The following ANKRD24 variants were observed in gnomAD, a reference collection of about 807,000 sequenced individuals.
ANKRD24 encodes the protein ankyrin repeat domain-containing protein 24.
ANKRD24 carries 109 observed loss-of-function variants against 127.8 expected under a neutral mutation model. The ratio of observed to expected loss-of-function variants is 0.85; its 90% CI spans 0.73 to 1.00. The LOEUF is 1.00. ANKRD24 is among the 50% of genes least tolerant of loss of function. The pLI, the probability that ANKRD24 is intolerant of heterozygous loss-of-function variation, is 0.00. For missense variants in ANKRD24, 1,648 were observed against 1,570.2 expected, an observed-to-expected ratio of 1.05 and a Z score of -0.84; for synonymous variants, 743 against 671.1, an observed-to-expected ratio of 1.11 and a Z score of -1.66.
intron 2 of ANKRD24, among the ~76,000 whole-genome samples, chr19:4,192,458 G>A (rs1274379571): frequency 3.4e-5 from 5 of 148,414 alleles, no homozygotes; most frequent in South Asian, 2.2e-4. Flanking sequence ...CGATCCTCCC[G>A]CCTTAGCCTC....
chr19:4,183,849 G>A (rs1390287941), intron 1 of ANKRD24, among the ~76,000 whole-genome samples: 2 of 152,176 alleles, frequency 1.3e-5, no homozygotes, highest in African/African-American at 4.8e-5. Flanking sequence ...GGAGATTGCG[G>A]TGAGCCGGAG....
chr19:4,214,131 G>A (rs560695299), intron 15 of ANKRD24, among the ~76,000 whole-genome samples: 2 of 151,876 alleles, frequency 1.3e-5, no homozygotes, highest in Admixed American at 6.6e-5. Flanking sequence ...GTCACACACA[G>A]ACAACATGCC....
Position 4,199,904 on chromosome 19 carries a change from G to T in ANKRD24, c.153G>T (p.Arg51Ser). Residue 51 changes from arginine to serine, a missense_variant, in exon 4 of 22, where the codon AGG becomes AGT. By Grantham distance (110) the Arg-to-Ser change is moderately radical. Coordinates refer to ENST00000318934, the MANE Select transcript of ANKRD24 (RefSeq NM_001393985.1). This position sits in a 1 kb window ranked among gnomAD's most constrained non-coding sequence, Gnocchi z 5.2. ...QSQDWGKSDE[R>S]LLQAVENNDA... ...AAGACTGGGGCAAGAGTGACGAGAG[G>T]CTGCTACAAGCCGTGGAAAACAACG... The T allele has an allele frequency of 3.2e-6, 5 of 1,570,382 alleles. No individual in the cohort carries two copies. Among genetic ancestry groups the T allele is most frequent in the Non-Finnish European group, 4.3e-6 (5 of 1,158,966 alleles).
At position 4,208,786 on chromosome 19, in the gene ANKRD24, C is replaced by T. The variant is rs868290834; in HGVS notation, c.855C>T (p.Gly285=). The T allele has an allele frequency of 5.6e-6, 9 of 1,613,200 alleles. No homozygotes were observed. The highest frequency in any genetic ancestry group is 2.2e-5 in the South Asian group (2 of 90,876). ...CAGCCCTCACAGAGGATGATTCAGG[C>T]GAGGCGTCATCTCAGGTATGGACCC... is the stretch of plus-strand genomic sequence containing the variant. The part of the protein sequence containing the change: ...PPSALTEDDS[G]EASSQNSMSS... The change falls in exon 11 of 22, where the codon GGC becomes GGT. Residue 285 remains glycine (G), a synonymous_variant. Coordinates refer to ENST00000318934, the MANE Select transcript of ANKRD24 (RefSeq NM_001393985.1).
intron 19 of ANKRD24, among the ~76,000 whole-genome samples, chr19:4,220,468 C>A (rs1970381334): frequency 6.6e-6 from 1 of 151,908 alleles, no homozygotes; most frequent in South Asian, 2.1e-4. Context: ...CACGTTCCCA[C>A]GTTTCGTTCC....
chr19:4,213,998 C>T (rs990557816), intron 15 of ANKRD24, among the ~76,000 whole-genome samples: 1 of 152,080 alleles, frequency 6.6e-6, no homozygotes, highest in Non-Finnish European at 1.5e-5. Flanking sequence ...TCTCTATGCA[C>T]GTGGCGGAGC....
At chr19:4,184,682 C>T (rs1184794255) in intron 1 of ANKRD24, among the ~76,000 whole-genome samples, 1 of 152,132 alleles carries the variant, frequency 6.6e-6, no homozygotes, top group Admixed American at 6.6e-5. Flanking sequence ...TTACCCCCTG[C>T]TTTGGGTGTG....
rs762115156 is a variant in ANKRD24, at chr19:4,218,032, C to T, written c.2872C>T (p.Arg958Cys). 2 of 1,558,848 alleles carry T rather than the reference C, an allele frequency of 1.3e-6. No homozygotes were observed. The highest frequency in any genetic ancestry group is 2.4e-5 in the East Asian group (1 of 41,080). ...ARLRAELERE[R>C]VCSVALSEHE... is the part of the protein sequence containing the mutation. ...GCTGCGCGCGGAGCTGGAGCGGGAG[C>T]GTGTGTGCAGCGTGGCGCTCTCGGA... is the stretch of plus-strand genomic sequence containing the variant. The change falls in exon 18 of 22, where the codon CGT becomes TGT. Residue 958 changes from arginine to cysteine, a missense_variant. By Grantham distance (180) the Arg-to-Cys change is radical. Transcript: ENST00000318934.
chr19:4,224,621 A>G lies in ANKRD24; in HGVS notation c.*116A>G. On this transcript the variant is annotated 3_prime_UTR_variant, in exon 22 of 22. Transcript: ENST00000318934. The stretch of plus-strand genomic sequence containing the variant: ...CACTTGGCCCTATCCAGGCCCATGC[A>G]CTTGGAGACCAGCCTGGTTCCCTGC... The G allele has an allele frequency of 1.0e-6, 1 of 999,852 alleles. No homozygotes were observed. 61.9% of individuals were successfully genotyped at this position (999,852 alleles called of 1,614,324 possible). A position where few individuals can be genotyped will look rare whatever the true frequency, so the allele number is the denominator to read the frequency against.
intron 1 of ANKRD24, among the ~76,000 whole-genome samples, chr19:4,184,360 C>T (rs1967930527): frequency 6.6e-6 from 1 of 152,160 alleles, no homozygotes; most frequent in Non-Finnish European, 1.5e-5. Flanking sequence ...CCCTTATGGC[C>T]CCAGGCCCCT....
At chr19:4,219,529 C>A in intron 18 of ANKRD24, 62 bp from the exon 19 acceptor site, 2 of 1,513,472 alleles carry the variant, frequency 1.3e-6, no homozygotes, top group Non-Finnish European at 1.8e-6. Flanking sequence ...CATATGAATT[C>A]TGGGGTCTAG....
intron 7 of ANKRD24, among the ~76,000 whole-genome samples, chr19:4,206,874 A>G (rs1194013719): frequency 6.6e-6 from 1 of 151,910 alleles, no homozygotes; most frequent in Non-Finnish European, 1.5e-5. Flanking sequence ...GTCTCACCCT[A>G]CCCCTACTCT....
intron 13 of ANKRD24, among the ~76,000 whole-genome samples, chr19:4,211,386 C>G (rs562450030): frequency 6.6e-6 from 1 of 151,998 alleles, no homozygotes; most frequent in Non-Finnish European, 1.5e-5. Flanking sequence ...CACCTGTAAT[C>G]CCAGCACTTT....
In ANKRD24 at chr19:4,188,833, A is replaced by T. The variant is rs184406043; in HGVS notation, c.36+2372A>T. On this transcript the variant is annotated intron_variant, in intron 2 of 21. Transcript: ENST00000318934. ...TTGATTTCATTTATTTTTGAGACAG[A>T]GTCTCACTCTGTTGCTGAGGCTGGA... 6.7e-4 allele frequency among the ~76,000 whole-genome samples: 102 copies of T among 152,230 alleles called. 2 individuals are homozygous for T. Among genetic ancestry groups the T allele is most frequent in the Middle Eastern group, 6.8e-3 (2 of 294 alleles).
At chr19:4,220,822 T>C (rs531798459) in intron 19 of ANKRD24, among the ~76,000 whole-genome samples, 58 of 152,238 alleles carry the variant, frequency 3.8e-4, no homozygotes, top group Admixed American at 5.9e-4. Context: ...CCCAGAGTGC[T>C]GGGATTACAG....
chr19:4,186,383 T>C lies in ANKRD24; in HGVS notation c.-36-7T>C. 6.4e-7 allele frequency: 1 copy of C among 1,567,930 alleles called. No homozygotes were observed. The highest frequency in any genetic ancestry group is 8.6e-7 in the Non-Finnish European group (1 of 1,156,670). On this transcript the variant is annotated splice_polypyrimidine_tract_variant and splice_region_variant and intron_variant, in intron 1 of 21. Transcript: ENST00000318934. ...CCTCACCTTACCCCCACCCTTGCCC[T>C]CCTCAGGTGGCCTGTGGAGAGGAGA...
intron 7 of ANKRD24, among the ~76,000 whole-genome samples, chr19:4,204,423 A>G (rs536127288): frequency 1.9e-4 from 29 of 152,262 alleles, no homozygotes; most frequent in African/African-American, 7.0e-4. Flanking sequence ...TAGGGAATCC[A>G]GGTCGTCTGA....
At chr19:4,223,402 T>TATATATATATATATATATATATATATA (rs1491398712) in intron 20 of ANKRD24, among the ~76,000 whole-genome samples, 1 of 40,474 alleles carries the variant, frequency 2.5e-5, no homozygotes, top group African/African-American at 1.2e-4. Flanking sequence ...TATATATATA[T>TATATATATATATATATATATATATATA]TTTTTTTTTT....
intron 7 of ANKRD24, among the ~76,000 whole-genome samples, chr19:4,205,439 T>A (rs1969330219): frequency 6.6e-6 from 1 of 152,212 alleles, no homozygotes; most frequent in Non-Finnish European, 1.5e-5. Context: ...CTGCTGGAAT[T>A]CATACCCAGG....
Sources: gnomAD v4.1 joint callset for allele counts (sites outside exome capture counted in the v4.1 genomes callset) on GRCh38, gnomAD v4.1.1 for gene constraint, Gnocchi (gnomAD v3.1) non-coding constraint, MANE v1.5 for transcripts, NCBI Gene and HGNC (gene_info 2026-07-23, HGNC 2026-07-21) for gene names.